The following SPTAN1 variants were observed in gnomAD, a reference collection of about 807,000 sequenced individuals.
SPTAN1 encodes the protein spectrin alpha, non-erythrocytic 1, also known as spectrin alpha chain, non-erythrocytic 1.
SPTAN1 carries 61 observed loss-of-function variants against 331.3 expected under a neutral mutation model. The observed-to-expected ratio is 0.18, with a 90% CI of 0.15 to 0.23. The LOEUF (loss-of-function observed/expected upper bound fraction) is 0.23, where lower values mean the gene tolerates loss of function less well. Among genes scored for constraint, SPTAN1 ranks in the 10% least tolerant of loss-of-function variants. The pLI is 1.00. For synonymous variants in SPTAN1, 1,153 were observed against 1,173.9 expected, an observed-to-expected ratio of 0.98 and a Z score of 0.36; for missense variants, 2,043 against 3,147.9, an observed-to-expected ratio of 0.65 and a Z score of 8.40.
At chr9:128,632,520 G>A (rs1247490864) in intron 54 of SPTAN1, 36 bp downstream of exon 54, 3 of 1,614,150 alleles carry the variant, frequency 1.9e-6, no homozygotes, top group Non-Finnish European at 8.5e-7. Flanking sequence ...CTGGGTGGGG[G>A]GTGTTCGGCA....
At chr9:128,587,408 A>G (rs889397298) in intron 19 of SPTAN1, among the ~76,000 whole-genome samples, 198 bp from the exon 20 acceptor site, 9 of 152,188 alleles carry the variant, frequency 5.9e-5, no homozygotes, top group Middle Eastern at 3.2e-3. Flanking sequence ...CTATAATCAT[A>G]ATATATATGA....
At position 128,627,513 on chromosome 9, in the gene SPTAN1, G is replaced by C; in HGVS notation, c.6689+15G>C. 6.5e-7 allele frequency: 1 copy of C among 1,546,906 alleles called. No homozygotes were observed. The highest frequency in any genetic ancestry group is 8.7e-7 in the Non-Finnish European group (1 of 1,143,320). On this transcript the variant is annotated intron_variant, in intron 50 of 56. Transcript: ENST00000372739. The surrounding 1 kb of genome is among the most constrained non-coding windows in gnomAD (Gnocchi z 4.9). ...CAAGAGACCAGGTGCCAGCCCGCTGGGGCCGGGGAGCAGCAGCATGTCCCT... is the reference window on the plus strand; with the variant it reads ...CAAGAGACCAGGTGCCAGCCCGCTGCGGCCGGGGAGCAGCAGCATGTCCCT...
Position 128,592,971 on chromosome 9 carries a change from C to G in SPTAN1, c.3156-12C>G, listed in dbSNP as rs1328344344. Reference sequence around the variant, plus strand: ...AATTCGTGCATGCTTTTGCTGTGCCCCCTCTGTGCAGGACACGCATAACTA... The same window carrying G: ...AATTCGTGCATGCTTTTGCTGTGCCGCCTCTGTGCAGGACACGCATAACTA... On this transcript the variant is annotated splice_polypyrimidine_tract_variant and intron_variant, in intron 22 of 56. Coordinates refer to ENST00000372739, the MANE Select transcript of SPTAN1 (RefSeq NM_001130438.3). 6.2e-7 allele frequency: 1 copy of G among 1,603,318 alleles called. No homozygotes were observed. Among genetic ancestry groups the G allele is most frequent in the East Asian group, 2.2e-5 (1 of 44,670 alleles).
At chr9:128,617,001 A>G (rs1362018722) in intron 41 of SPTAN1, among the ~76,000 whole-genome samples, 1 of 151,782 alleles carries the variant, frequency 6.6e-6, no homozygotes, top group Non-Finnish European at 1.5e-5. Flanking sequence ...ACTTTGGGAG[A>G]CCGAGGTGGG....
intron 23 of SPTAN1, chr9:128,593,307 G>C (rs1853784819): frequency 3.7e-6 from 2 of 546,226 alleles, no homozygotes; most frequent in Admixed American, 2.6e-5. Flanking sequence ...GGTTTTTGTG[G>C]TGGACCAGCC....
At chr9:128,553,618 C>T (rs955952806) in intron 1 of SPTAN1, among the ~76,000 whole-genome samples, 1 of 152,134 alleles carries the variant, frequency 6.6e-6, no homozygotes, top group Non-Finnish European at 1.5e-5. Context: ...TTTAAATAAG[C>T]GCCTTGTTAA....
At chr9:128,605,245 T>C in intron 30 of SPTAN1, 51 bp from the exon 31 acceptor site, 1 of 1,614,166 alleles carries the variant, frequency 6.2e-7, no homozygotes, top group Non-Finnish European at 8.5e-7. Flanking sequence ...TCTTCTGTTC[T>C]GCAGAGCATA....
intron 1 of SPTAN1, among the ~76,000 whole-genome samples, chr9:128,561,378 A>G (rs556217182): frequency 7.6e-6 from 1 of 131,376 alleles, no homozygotes; most frequent in African/African-American, 2.9e-5. Context: ...CTCAAAAAAA[A>G]AAAGGCCAGG....
Position 128,615,970 on chromosome 9 carries a change from G to T in SPTAN1, c.5357+130G>T, listed in dbSNP as rs186245014. On this transcript the variant is annotated intron_variant, in intron 41 of 56. Coordinates refer to ENST00000372739, the MANE Select transcript of SPTAN1 (RefSeq NM_001130438.3). The stretch of plus-strand genomic sequence containing the variant: ...GGGATCCCAGCTTGGGCACACAGTC[G>T]TGGGATGCCTCAGTGTCTTCTGCTT... 3.1e-6 allele frequency: 3 copies of T among 953,796 alleles called. No homozygotes were observed. The African/African-American group carries it at 4.8e-5, about 15-fold the overall frequency. 59.1% of individuals were successfully genotyped at this position (953,796 alleles called of 1,614,324 possible). A position where few individuals can be genotyped will look rare whatever the true frequency, so the allele number is the denominator to read the frequency against.
Position 128,603,508 on chromosome 9 carries a change from G to T in SPTAN1, c.3580-35G>T, listed in dbSNP as rs373006510. 5.0e-6 allele frequency: 8 copies of T among 1,613,728 alleles called. No homozygotes were observed. The African/African-American group carries it at 1.1e-4, about 22-fold the overall frequency. ...TCAGATCTCTAATTGCCAGACACTT[G>T]ATTAGTTTTGCCTTCTGCTTTCCTC... On this transcript the variant is annotated intron_variant, in intron 27 of 56. Transcript: ENST00000372739.
At chr9:128,615,952 C>A in intron 41 of SPTAN1, 112 bp downstream of exon 41, 1 of 1,166,402 alleles carries the variant, frequency 8.6e-7, no homozygotes, top group Non-Finnish European at 1.3e-6. Flanking sequence ...ACTGGGATCC[C>A]AGCTTGGGCA....
chr9:128,569,915 T>C (rs1400849295), intron 3 of SPTAN1, among the ~76,000 whole-genome samples: 2 of 152,166 alleles, frequency 1.3e-5, no homozygotes, highest in Admixed American at 1.3e-4. Context: ...AGATGTATGA[T>C]GAATAATTAT....
At chr9:128,626,904 TC>T in intron 49 of SPTAN1, 1 of 647,752 alleles carries the variant, frequency 1.5e-6, no homozygotes, top group Non-Finnish European at 2.8e-6. Context: ...AGCCTCAACC[TC>T]CCAGGCTCAG....
rs749001794 is a variant in SPTAN1 at position 128,582,706 on chromosome 9, C to T, written c.1663C>T (p.Arg555Cys). 1.2e-6 allele frequency: 2 copies of T among 1,613,542 alleles called. No individual in the cohort carries two copies. Among genetic ancestry groups the T allele is most frequent in the Middle Eastern group, 1.7e-4 (1 of 6,056 alleles). Residue 555 changes from arginine (R) to cysteine (C), a missense_variant, in exon 14 of 57, where the codon CGC becomes TGC. This residue lies in a region of SPTAN1 where 1,038 missense variants were observed against 1,531.5 expected (regional missense o/e 0.68). Transcript: ENST00000372739. ...CCTTGTCTTTCAGCTGTTGAGCCGC[C>T]GCAATGCCCTTCACGAGAGAGCCAT... ...ATRRDALLSR[R>C]NALHERAMRR...
Position 128,582,707 on chromosome 9 carries a change from G to A in SPTAN1, c.1664G>A (p.Arg555His), listed in dbSNP as rs139998823. 7.4e-6 allele frequency: 12 copies of A among 1,613,332 alleles called. No homozygotes were observed. Among genetic ancestry groups the A allele is most frequent in the East Asian group, 2.2e-5 (1 of 44,892 alleles). Residue 555 changes from arginine to histidine, a missense_variant, in exon 14 of 57, where the codon CGC (arginine) becomes CAC (histidine). Coordinates refer to ENST00000372739, the MANE Select transcript of SPTAN1 (RefSeq NM_001130438.3). ...ATRRDALLSR[R>H]NALHERAMRR... ...CTTGTCTTTCAGCTGTTGAGCCGCC[G>A]CAATGCCCTTCACGAGAGAGCCATG...
chr9:128,577,646 TTC>T lies in SPTAN1; in HGVS notation c.1085+146_1085+147del, dbSNP rs1200272692. 2.1e-5 allele frequency: 24 copies of T among 1,159,916 alleles called. No individual in the cohort carries two copies. The highest frequency in any genetic ancestry group is 3.0e-5 in the Non-Finnish European group (24 of 790,808). 71.9% of individuals were successfully genotyped at this position (1,159,916 alleles called of 1,614,324 possible). A position where few individuals can be genotyped will look rare whatever the true frequency, so the allele number is the denominator to read the frequency against. Reference sequence around the variant, plus strand: ...AAATGCAAATCACTTCTTACCTATGTTCTCTCTGTTTGGAGACTGGCAACTGT... The same window carrying T: ...AAATGCAAATCACTTCTTACCTATGTTCTCTGTTTGGAGACTGGCAACTGT... On this transcript the variant is annotated intron_variant, in intron 8 of 56. Transcript: ENST00000372739. This position sits in a 1 kb window ranked among gnomAD's most constrained non-coding sequence, Gnocchi z 4.2.
At chr9:128,582,889 T>C (rs1181948123) in intron 14 of SPTAN1, 40 bp downstream of exon 14, 2 of 1,609,138 alleles carry the variant, frequency 1.2e-6, no homozygotes, top group Non-Finnish European at 1.7e-6. Flanking sequence ...ACTCGATTAG[T>C]AAGCTAAACA....
At chr9:128,589,370 G>A (rs1177486846) in intron 21 of SPTAN1, among the ~76,000 whole-genome samples, 1 of 146,376 alleles carries the variant, frequency 6.8e-6, no homozygotes, top group African/African-American at 2.5e-5. Context: ...CTCACTGCAA[G>A]CTCCGCCTCC....
In SPTAN1 at chr9:128,626,477, C is replaced by T. The variant is rs775566979; in HGVS notation, c.6366C>T (p.Pro2122=). 4.3e-6 allele frequency: 7 copies of T among 1,614,166 alleles called. No homozygotes were observed. Among genetic ancestry groups the T allele is most frequent in the South Asian group, 2.2e-5 (2 of 91,084 alleles). Residue 2122 remains proline, a synonymous_variant, in exon 49 of 57, where the codon CCC becomes CCT. Coordinates refer to ENST00000372739, the MANE Select transcript of SPTAN1 (RefSeq NM_001130438.3). ...ATGCAGAGGAGGACTTAACAGACCC[C>T]GTGCGCTGCAACTCCTTGGAAGAAA... ...FENAEEDLTD[P]VRCNSLEEIK... is the part of the protein sequence containing the mutation.
Sources: allele counts gnomAD v4.1 joint callset (sites outside exome capture counted in the v4.1 genomes callset), GRCh38; gene constraint gnomAD v4.1.1; regional missense constraint gnomAD v4.1.1; non-coding constraint Gnocchi (gnomAD v3.1); transcripts MANE v1.5; gene names NCBI Gene and HGNC (gene_info 2026-07-23, HGNC 2026-07-21).